Variants in SGSM2 observed in about 807,000 individuals in gnomAD.
The protein encoded by SGSM2 is RUN and TBC1 domain containing 1.
In SGSM2, 89 loss-of-function variants were observed where a neutral mutation model predicts 126.6. The observed-to-expected ratio is 0.70, with a 90% CI of 0.59 to 0.84. The LOEUF (loss-of-function observed/expected upper bound fraction) is 0.84. Ranked by LOEUF, SGSM2 falls within the 40% of genes least tolerant of loss-of-function variation. The pLI is 0.00. For missense variants in SGSM2, 1,404 were observed against 1,416.6 expected (o/e 0.99, Z 0.14); for synonymous variants, 614 against 574.3 (o/e 1.07, Z -0.99).
Position 2,365,285 on chromosome 17 carries a change from G to C in SGSM2, c.1232G>C (p.Gly411Ala). 1 of 1,597,460 alleles carries C rather than the reference G, an allele frequency of 6.3e-7. No individual in the cohort carries two copies. Among genetic ancestry groups the C allele is most frequent in the African/African-American group, 1.3e-5 (1 of 74,632 alleles). ...GTGGATATGGAGGAGATGGGCACGG[G>C]GCGGGCCACCGACTATGTGTTCCGG... The part of the protein sequence containing the change: ...RSVDMEEMGT[G>A]RATDYVFRII... Residue 411 changes from glycine to alanine, a missense_variant, in exon 11 of 24, where the codon GGG (glycine) becomes GCG (alanine). Gly to Ala is a moderately conservative substitution (Grantham distance 60). Transcript: ENST00000268989.
chr17:2,346,395 A>G (rs1054407059), intron 2 of SGSM2, among the ~76,000 whole-genome samples: 4 of 152,214 alleles, frequency 2.6e-5, no homozygotes, highest in Non-Finnish European at 5.9e-5. Flanking sequence ...CTTAGAATGC[A>G]GACATTTAAA....
intron 1 of SGSM2, among the ~76,000 whole-genome samples, chr17:2,338,521 C>T (rs2064192002): frequency 1.3e-5 from 2 of 152,064 alleles, no homozygotes; most frequent in African/African-American, 4.8e-5. Context: ...GCTTAGAATA[C>T]ATTGGGCCTC....
chr17:2,370,250 C>A (rs1259580014), intron 12 of SGSM2, among the ~76,000 whole-genome samples: 1 of 152,256 alleles, frequency 6.6e-6, no homozygotes, highest in East Asian at 1.9e-4. Context: ...CGGCATCACC[C>A]CCCAGTGCTT....
chr17:2,341,510 C>T (rs376462423), intron 1 of SGSM2, among the ~76,000 whole-genome samples: 1 of 152,358 alleles, frequency 6.6e-6, no homozygotes, highest in African/African-American at 2.4e-5. Flanking sequence ...CCTCCCCAGG[C>T]TTTTGAGGTT....
chr17:2,340,428 C>T (rs2064298181), intron 1 of SGSM2, among the ~76,000 whole-genome samples: 1 of 152,020 alleles, frequency 6.6e-6, no homozygotes, highest in Non-Finnish European at 1.5e-5. Flanking sequence ...AGGATGATGA[C>T]TTTTTCCACC....
Position 2,372,720 on chromosome 17 carries a change from T to C in SGSM2, c.1788+232T>C. ...TCGCCCTGTGACCCTGGACAAAGCT[T>C]TGCCTCTCTCCGGGCGCCATTTCCT... On this transcript the variant is annotated intron_variant, in intron 15 of 23. Transcript: ENST00000268989. This position sits in a 1 kb window ranked among gnomAD's most constrained non-coding sequence, Gnocchi z 6.0. 1.3e-6 allele frequency: 1 copy of C among 799,982 alleles called. No individual in the cohort carries two copies. Among genetic ancestry groups the C allele is most frequent in the South Asian group, 1.8e-5 (1 of 54,858 alleles). The allele number at this position is 799,982 out of a possible 1,614,324, so 49.6% of individuals were successfully genotyped here.
chr17:2,376,720 C>G lies in SGSM2; in HGVS notation c.2610-13C>G, dbSNP rs1567851066. On this transcript the variant is annotated splice_polypyrimidine_tract_variant and intron_variant, in intron 19 of 23. Transcript: ENST00000268989. The stretch of plus-strand genomic sequence containing the variant: ...TGGGGCACAGCCACAGTGACTCTCC[C>G]CCTGCCTTTCAGCTACGTGTGGGAG... 5 of 1,613,692 alleles carry G rather than the reference C, an allele frequency of 3.1e-6. No homozygotes were observed. In the Admixed American group the frequency reaches 6.7e-5, roughly 22 times the overall value.
intron 2 of SGSM2, among the ~76,000 whole-genome samples, chr17:2,352,232 G>A (rs1436742031): frequency 5.3e-5 from 8 of 152,194 alleles, no homozygotes. Context: ...CGGCATTGTT[G>A]GTTCCACCAT....
chr17:2,358,875 T>TTTTG (rs769836935), intron 2 of SGSM2, among the ~76,000 whole-genome samples: 10,201 of 95,430 alleles, frequency 0.11, 656 homozygotes, highest in African/African-American at 0.24. Flanking sequence ...TTGTTGTTGT[T>TTTTG]TTTTTTTTTT....
chr17:2,360,571 C>T (rs769254766), intron 2 of SGSM2, among the ~76,000 whole-genome samples: 6 of 152,210 alleles, frequency 3.9e-5, no homozygotes, highest in Admixed American at 6.5e-5. Context: ...AGCCAGACCC[C>T]GCATGGGTGA....
At position 2,380,671 on chromosome 17, in the gene SGSM2, C is replaced by G. The variant is rs2151655321; in HGVS notation, c.*1151C>G. The G allele has an allele frequency of 2.9e-6, 1 of 349,496 alleles. No homozygotes were observed. Among genetic ancestry groups the G allele is most frequent in the South Asian group, 2.8e-5 (1 of 36,242 alleles). 21.6% of individuals were successfully genotyped at this position (349,496 alleles called of 1,614,324 possible). ...CTTGCTCGGCCATCCCCACTTCCTCCTCTACCCCAACACATGCAGGCTAGG... is the reference window on the plus strand; with the variant it reads ...CTTGCTCGGCCATCCCCACTTCCTCGTCTACCCCAACACATGCAGGCTAGG... On this transcript the variant is annotated 3_prime_UTR_variant, in exon 24 of 24. Coordinates refer to ENST00000268989, the MANE Select transcript of SGSM2 (RefSeq NM_014853.3).
intron 1 of SGSM2, among the ~76,000 whole-genome samples, chr17:2,341,120 T>G (rs144784776): frequency 5.8e-4 from 88 of 151,960 alleles, no homozygotes; most frequent in African/African-American, 1.7e-3. Flanking sequence ...AGGAAGTTTT[T>G]TTTGTTTGTT....
chr17:2,377,714 C>T lies in SGSM2; in HGVS notation c.2803-143C>T, dbSNP rs1567853059. ...AAGGAGATCCGAGGGGGAGAGAGTG[C>T]ACCGCGCAGCACAGGGCAACAGACA... is the stretch of plus-strand genomic sequence containing the variant. On this transcript the variant is annotated intron_variant, in intron 21 of 23. Transcript: ENST00000268989. 4 of 588,480 alleles carry T rather than the reference C, an allele frequency of 6.8e-6. No individual in the cohort carries two copies. In the East Asian group the frequency reaches 8.7e-5, roughly 13 times the overall value. 36.5% of individuals were successfully genotyped at this position (588,480 alleles called of 1,614,324 possible).
intron 2 of SGSM2, among the ~76,000 whole-genome samples, chr17:2,347,527 A>G (rs1174858007): frequency 6.7e-6 from 1 of 149,250 alleles, no homozygotes; most frequent in African/African-American, 2.5e-5. Context: ...ATTTTTCTCT[A>G]TCATATGGTT....
At chr17:2,375,345 G>A in intron 17 of SGSM2, 147 bp from the exon 18 acceptor site, 1 of 999,948 alleles carries the variant, frequency 1.0e-6, no homozygotes, top group Admixed American at 3.1e-5. Flanking sequence ...AAGCTGGCTT[G>A]GTGCCCCGTG....
Position 2,372,014 on chromosome 17 carries a change from G to C in SGSM2, c.1578-176G>C. ...CCAGGCGGGGGCCCCACAGCACTCT[G>C]TCCAGGTGGCAGGCAGGGACAGGGC... On this transcript the variant is annotated intron_variant, in intron 13 of 23. Transcript: ENST00000268989. The surrounding 1 kb of genome is among the most constrained non-coding windows in gnomAD (Gnocchi z 6.0). 2 of 725,212 alleles carry C rather than the reference G, an allele frequency of 2.8e-6. No homozygotes were observed. The highest frequency in any genetic ancestry group is 2.3e-6 in the Non-Finnish European group (1 of 435,652). 44.9% of individuals were successfully genotyped at this position (725,212 alleles called of 1,614,324 possible).
intron 12 of SGSM2, among the ~76,000 whole-genome samples, chr17:2,370,107 C>T (rs1361016162): frequency 1.3e-5 from 2 of 152,222 alleles, no homozygotes; most frequent in African/African-American, 4.8e-5. Flanking sequence ...CAGGCCCACG[C>T]CTGCGGCAGG....
intron 10 of SGSM2, 69 bp from the exon 11 acceptor site, chr17:2,365,146 C>A: frequency 3.8e-6 from 6 of 1,590,686 alleles, no homozygotes; most frequent in Non-Finnish European, 5.2e-6. Flanking sequence ...TTCTTAGGAG[C>A]GGCCTTGTGT....
chr17:2,372,318 TGCTGCCCACC>T lies in SGSM2; in HGVS notation c.1643-12_1643-3del, dbSNP rs753860491. On this transcript the variant is annotated splice_polypyrimidine_tract_variant and intron_variant, in intron 14 of 23. Transcript: ENST00000268989. The surrounding 1 kb of genome is among the most constrained non-coding windows in gnomAD (Gnocchi z 6.0). Reference sequence around the variant, plus strand: ...CGGGCGGCCCTGGGTCCCAGCCTCCTGCTGCCCACCGCTGCCCACCGCAGGGCTGGCACAC... The same window carrying T: ...CGGGCGGCCCTGGGTCCCAGCCTCCTGCTGCCCACCGCAGGGCTGGCACAC... 1.5e-4 allele frequency: 241 copies of T among 1,608,466 alleles called. 1 individual carries two copies. The African/African-American group carries it at 1.6e-3, about 10-fold the overall frequency.
Sources: gnomAD v4.1 joint callset for allele counts (sites outside exome capture counted in the v4.1 genomes callset) on GRCh38, gnomAD v4.1.1 for gene constraint, Gnocchi (gnomAD v3.1) non-coding constraint, MANE v1.5 for transcripts, NCBI Gene and HGNC (gene_info 2026-07-23, HGNC 2026-07-21) for gene names.